Variants in COPA observed in about 807,000 individuals in gnomAD.
COPA encodes coatomer subunit alpha.
A neutral mutation model predicts 158.7 loss-of-function variants in COPA; 10 were observed. The ratio of observed to expected loss-of-function variants is 0.06; its 90% CI spans 0.04 to 0.11. The LOEUF is 0.11. COPA is among the 10% of genes least tolerant of loss of function. The pLI is 1.00. For synonymous variants in COPA, 462 were observed against 542.8 expected (o/e 0.85, Z 2.07); for missense variants, 1,065 against 1,536.7 (o/e 0.69, Z 5.13).
At chr1:160,319,202 A>C (rs931931193) in intron 8 of COPA, among the ~76,000 whole-genome samples, 2 of 152,144 alleles carry the variant, frequency 1.3e-5, no homozygotes, top group African/African-American at 2.4e-5. Flanking sequence ...ATATTCCATG[A>C]AACTGGAAAC....
intron 23 of COPA, among the ~76,000 whole-genome samples, chr1:160,295,261 GTCTGTTT>G (rs1658362174): frequency 6.6e-6 from 1 of 152,170 alleles, no homozygotes. Context: ...ATGCTCAAGA[GTCTGTTT>G]AGGCTCTTAC....
chr1:160,318,491 ACAAAAAAAAAAAAAAAAC>A (rs1659228524), intron 8 of COPA, among the ~76,000 whole-genome samples: 1 of 68,932 alleles, frequency 1.5e-5, no homozygotes, highest in Non-Finnish European at 2.4e-5. Flanking sequence ...AAAAAAAAAA[ACAAAAAAAAAAAAAAAAC>A]ACTAATGTGC....
At chr1:160,326,914 A>G (rs907690505) in intron 6 of COPA, among the ~76,000 whole-genome samples, 6 of 152,228 alleles carry the variant, frequency 3.9e-5, no homozygotes, top group African/African-American at 1.4e-4. Flanking sequence ...GAGGACCCAC[A>G]TATATGGCTC....
rs755545274 is a variant in COPA, at chr1:160,297,445, C to A, written c.2168-7G>T. ...ATGTCCTTTCTGATCTCAGCTGCAC[C>A]AAGTAAGAGACACCAAGTTAGGTCT... On this transcript the variant is annotated splice_polypyrimidine_tract_variant and splice_region_variant and intron_variant, in intron 20 of 32. Transcript: ENST00000241704. 6.2e-7 allele frequency: 1 copy of A among 1,613,944 alleles called. No homozygotes were observed. Among genetic ancestry groups the A allele is most frequent in the Non-Finnish European group, 8.5e-7 (1 of 1,179,892 alleles).
Position 160,294,761 on chromosome 1 carries a change from C to G in COPA, c.2566+7G>C. ...ACCCCAGAACAGTCTTAAAACAGCA[C>G]TTTTACCTTCATCCAACTGCAGCTC... On this transcript the variant is annotated splice_region_variant and intron_variant, in intron 24 of 32. Transcript: ENST00000241704. 1.9e-6 allele frequency: 3 copies of G among 1,614,014 alleles called. No homozygotes were observed. The highest frequency in any genetic ancestry group is 2.5e-6 in the Non-Finnish European group (3 of 1,179,906).
chr1:160,313,673 C>CA (rs1261741185), intron 9 of COPA, among the ~76,000 whole-genome samples: 1 of 152,050 alleles, frequency 6.6e-6, no homozygotes, highest in Non-Finnish European at 1.5e-5. Flanking sequence ...CTCAGCCTCC[C>CA]AAGTGCTGGG....
rs1658333959 is a variant in COPA at position 160,294,387 on chromosome 1, G to A, written c.2676+97C>T. ...ACCTTAGGATAGTGGTAGGGGATAG[G>A]ATAGGAGACCTGAGGATAGTGGTAG... On this transcript the variant is annotated intron_variant, in intron 25 of 32. Transcript: ENST00000241704. 26 of 1,029,800 alleles carry A rather than the reference G, an allele frequency of 2.5e-5. No individual in the cohort carries two copies. In the South Asian group the frequency reaches 3.3e-4, roughly 13 times the overall value. The allele number at this position is 1,029,800 out of a possible 1,614,324, so 63.8% of individuals were successfully genotyped here. A position where few individuals can be genotyped will look rare whatever the true frequency, so the allele number is the denominator to read the frequency against.
chr1:160,315,572 G>A (rs1237781422), intron 8 of COPA, among the ~76,000 whole-genome samples: 2 of 152,290 alleles, frequency 1.3e-5, no homozygotes, highest in Middle Eastern at 3.4e-3. Flanking sequence ...AGGTGAACCC[G>A]GACTTAAGGT....
At chr1:160,342,791 T>C (rs1365844327) in intron 1 of COPA, among the ~76,000 whole-genome samples, 4 of 151,618 alleles carry the variant, frequency 2.6e-5, no homozygotes, top group Non-Finnish European at 5.9e-5. Flanking sequence ...TATAACACAG[T>C]CATCAAAAAG....
chr1:160,301,599 C>G (rs1258071024), intron 17 of COPA, among the ~76,000 whole-genome samples: 1 of 151,820 alleles, frequency 6.6e-6, no homozygotes, highest in African/African-American at 2.4e-5. Flanking sequence ...ATGGTGAAAC[C>G]CCATCACTAC....
chr1:160,309,501 T>C (rs1422611855), intron 12 of COPA, among the ~76,000 whole-genome samples: 1 of 151,082 alleles, frequency 6.6e-6, no homozygotes, highest in African/African-American at 2.4e-5. Flanking sequence ...CCCTGAGGAC[T>C]CATCAACTGA....
At chr1:160,333,750 T>G in intron 4 of COPA, 71 bp from the exon 5 acceptor site, 1 of 1,276,714 alleles carries the variant, frequency 7.8e-7, no homozygotes, top group Non-Finnish European at 1.1e-6. Flanking sequence ...GTAATCATTT[T>G]TCTCTAAAGA....
intron 6 of COPA, among the ~76,000 whole-genome samples, chr1:160,328,905 G>T (rs1647381185): frequency 6.6e-6 from 1 of 152,050 alleles, no homozygotes; most frequent in Non-Finnish European, 1.5e-5. Flanking sequence ...TTCTCTTACT[G>T]CTTAACTAAC....
chr1:160,321,903 G>T (rs1193091555), intron 8 of COPA, among the ~76,000 whole-genome samples: 2 of 151,988 alleles, frequency 1.3e-5, no homozygotes, highest in African/African-American at 2.4e-5. Context: ...TCTAACCAAA[G>T]AAGTGAAAGG....
intron 17 of COPA, among the ~76,000 whole-genome samples, chr1:160,301,548 C>T (rs897707018): frequency 1.3e-5 from 2 of 151,912 alleles, no homozygotes; most frequent in Non-Finnish European, 1.5e-5. Flanking sequence ...CACGGCAGGC[C>T]GACTGCTTGA....
At chr1:160,306,299 AT>A in intron 15 of COPA, 54 bp downstream of exon 15, 1 of 1,520,608 alleles carries the variant, frequency 6.6e-7, no homozygotes, top group Non-Finnish European at 8.8e-7. Context: ...CCCACTAAAG[AT>A]GTCCACTCTC....
chr1:160,290,300 G>GGCAC, intron 32 of COPA, 84 bp from the exon 33 acceptor site: 4 of 1,496,120 alleles, frequency 2.7e-6, no homozygotes, highest in Non-Finnish European at 3.7e-6. Flanking sequence ...CCCCTCAATG[G>GGCAC]GCACAGTAGA....
rs781647709 is a variant in COPA, at chr1:160,313,147, C to T, written c.863G>A (p.Arg288His). 23 of 1,613,842 alleles carry T rather than the reference C, an allele frequency of 1.4e-5. No individual in the cohort carries two copies. The highest frequency in any genetic ancestry group is 1.2e-4 in the South Asian group (11 of 91,090). Residue 288 changes from arginine to histidine, a missense_variant, in exon 10 of 33, where the codon CGC (arginine) becomes CAC (histidine). By Grantham distance (29) the Arg-to-His change is conservative. Around this residue, in one of 2 missense-constraint regions of COPA, gnomAD observed 980 missense variants for 1,357.8 expected, o/e 0.72. Transcript: ENST00000241704. ...GACCCAGAAACGATCATGGTCTCTG[C>T]GGAAAGTCTGAACCCCAGTCCTAGA... ...MSKRTGVQTFRRDHDRFWVLA... is the reference protein window; with the variant it reads ...MSKRTGVQTFHRDHDRFWVLA...
chr1:160,335,379 CAGAGA>C, intron 3 of COPA, 57 bp from the exon 4 acceptor site: 2 of 1,395,182 alleles, frequency 1.4e-6, no homozygotes, highest in Non-Finnish European at 2.0e-6. Flanking sequence ...CTAAAAGGCT[CAGAGA>C]AATTGATATC....
Sources: allele counts gnomAD v4.1 joint callset (sites outside exome capture counted in the v4.1 genomes callset), GRCh38; gene constraint gnomAD v4.1.1; regional missense constraint gnomAD v4.1.1; transcripts MANE v1.5; gene names NCBI Gene and HGNC (gene_info 2026-07-23, HGNC 2026-07-21).